The following DNAH12 variants were observed in gnomAD, a reference collection of about 807,000 sequenced individuals.
DNAH12 encodes the protein dynein axonemal heavy chain 12.
In DNAH12, 285 loss-of-function variants were observed where a neutral mutation model predicts 371.5. The ratio of observed to expected loss-of-function variants is 0.77; its 90% confidence interval spans 0.70 to 0.85. The LOEUF (loss-of-function observed/expected upper bound fraction) is 0.85, where lower values mean the gene tolerates loss of function less well. Among genes scored for constraint, DNAH12 ranks in the 40% least tolerant of loss-of-function variants. The pLI is 0.00. For synonymous variants in DNAH12, 1,200 were observed against 1,213.0 expected (o/e 0.99, Z 0.22); for missense variants, 3,611 against 3,689.4 (o/e 0.98, Z 0.55).
chr3:57,364,158 T>C (rs1006262967), intron 57 of DNAH12, among the ~76,000 whole-genome samples: 1 of 152,128 alleles, frequency 6.6e-6, no homozygotes, highest in Non-Finnish European at 1.5e-5. Context: ...TAGCACACAT[T>C]GAAAGGATGA....
chr3:57,429,994 AG>A (rs959598445), intron 32 of DNAH12, among the ~76,000 whole-genome samples: 16 of 152,164 alleles, frequency 1.1e-4, no homozygotes, highest in Non-Finnish European at 2.9e-5. Context: ...TCTATAAAAC[AG>A]GGATAATAGT....
intron 13 of DNAH12, among the ~76,000 whole-genome samples, chr3:57,482,475 G>C (rs2066778248): frequency 6.6e-6 from 1 of 151,910 alleles, no homozygotes; most frequent in Admixed American, 6.6e-5. Flanking sequence ...CTGTTGGTGG[G>C]ACTGTAAACT....
At chr3:57,335,689 C>G (rs143971133) in intron 60 of DNAH12, among the ~76,000 whole-genome samples, 3,608 of 152,218 alleles carry the variant, frequency 0.024, 66 homozygotes, top group Admixed American at 0.035. Flanking sequence ...CTTATGGCAC[C>G]GCTGTTGCAT....
intron 34 of DNAH12, 92 bp downstream of exon 34, chr3:57,428,541 G>A (rs1218481091): frequency 6.6e-7 from 1 of 1,514,456 alleles, no homozygotes; most frequent in Non-Finnish European, 8.8e-7. Context: ...ACTGGTTTTA[G>A]TTATTCATTC....
intron 65 of DNAH12, among the ~76,000 whole-genome samples, chr3:57,316,861 C>T (rs1332724458): frequency 2.6e-5 from 4 of 152,202 alleles, no homozygotes; most frequent in Non-Finnish European, 5.9e-5. Context: ...CTTCCCCAGC[C>T]ATGTGGAATT....
At chr3:57,448,492 G>A (rs530158503) in intron 25 of DNAH12, among the ~76,000 whole-genome samples, 5 of 152,242 alleles carry the variant, frequency 3.3e-5, no homozygotes, top group Admixed American at 2.0e-4. Context: ...CTGGCTTCAG[G>A]AGTGAAGCTG....
chr3:57,554,223 G>A, the DNAH12 span, among the ~76,000 whole-genome samples: 3 of 116,412 alleles, frequency 2.6e-5, 1 homozygote, highest in Non-Finnish European at 5.1e-5. Flanking sequence ...GGAGGTGGAG[G>A]CTGCAGTGAG....
intron 69 of DNAH12, among the ~76,000 whole-genome samples, chr3:57,302,867 C>A (rs1027697755): frequency 1.3e-5 from 2 of 150,464 alleles, no homozygotes; most frequent in South Asian, 2.1e-4. Flanking sequence ...TGAGCCACTG[C>A]GCCTGGCCAG....
chr3:57,438,308 T>C (rs1044931034), intron 29 of DNAH12, among the ~76,000 whole-genome samples: 2 of 148,290 alleles, frequency 1.3e-5, no homozygotes, highest in African/African-American at 5.0e-5. Flanking sequence ...CGAAACTTCG[T>C]CTCAACAACA....
chr3:57,523,267 C>T (rs1270208571), intron 4 of DNAH12, among the ~76,000 whole-genome samples: 1 of 151,810 alleles, frequency 6.6e-6, no homozygotes, highest in Admixed American at 6.6e-5. Flanking sequence ...GATTGCAGTC[C>T]CAGCTACTCA....
At chr3:57,455,917 A>T (rs1162383768) in intron 22 of DNAH12, among the ~76,000 whole-genome samples, 1 of 152,224 alleles carries the variant, frequency 6.6e-6, no homozygotes, top group African/African-American at 2.4e-5. Context: ...ATTTTAGCAG[A>T]TCCAAACTAT....
At chr3:57,415,109 CT>C (rs1392341426) in intron 38 of DNAH12, among the ~76,000 whole-genome samples, 14 of 152,020 alleles carry the variant, frequency 9.2e-5, no homozygotes, top group Non-Finnish European at 2.1e-4. Flanking sequence ...CTCCCCACCC[CT>C]GCCCCACCCT....
At chr3:57,529,453 T>C (rs1579903) in intron 2 of DNAH12, among the ~76,000 whole-genome samples, 1 of 152,222 alleles carries the variant, frequency 6.6e-6, no homozygotes, top group Non-Finnish European at 1.5e-5. Flanking sequence ...TTCTTCATGG[T>C]TCAATCTCTG....
At chr3:57,382,499 T>C (rs1432366619) in intron 49 of DNAH12, 106 bp from the exon 50 acceptor site, 2 of 147,078 alleles carry the variant, frequency 1.4e-5, no homozygotes, top group African/African-American at 5.0e-5. Context: ...GCATCCCTTT[T>C]TATTTGAAAT....
At chr3:57,532,135 C>G (rs1381357895) in intron 2 of DNAH12, among the ~76,000 whole-genome samples, 2 of 152,108 alleles carry the variant, frequency 1.3e-5, no homozygotes, top group Non-Finnish European at 2.9e-5. Context: ...GAACGCTGAT[C>G]CATTCTTCAG....
In DNAH12 at chr3:57,403,520, T is replaced by G; in HGVS notation, c.6756-19A>C. On this transcript the variant is annotated intron_variant, in intron 42 of 73. Transcript: ENST00000495027. ...AACATACCTACCACAAAAGAAAAAT[T>G]TTATTAATGCATTACAATATAAATG... 1.3e-6 allele frequency: 2 copies of G among 1,530,218 alleles called. No homozygotes were observed. The highest frequency in any genetic ancestry group is 1.2e-5 in the South Asian group (1 of 80,706). The allele number at this position is 1,530,218 out of a possible 1,614,324, so 94.8% of individuals were successfully genotyped here.
At chr3:57,302,565 G>GTTTTTTTTTTTTTT (rs1407756841) in intron 69 of DNAH12, among the ~76,000 whole-genome samples, 1 of 28,850 alleles carries the variant, frequency 3.5e-5, no homozygotes, top group Non-Finnish European at 5.9e-5. Flanking sequence ...ATATATATAT[G>GTTTTTTTTTTTTTT]TATTTTTTTT....
chr3:57,512,970 C>G (rs938287528), intron 4 of DNAH12, among the ~76,000 whole-genome samples: 1 of 151,968 alleles, frequency 6.6e-6, no homozygotes, highest in African/African-American at 2.4e-5. Flanking sequence ...AACCCCGTCT[C>G]TACTAAAAAT....
At chr3:57,296,528 G>A (rs2061237379) in intron 71 of DNAH12, 93 bp from the exon 72 acceptor site, 8 of 992,604 alleles carry the variant, frequency 8.1e-6, no homozygotes, top group South Asian at 6.7e-5. Flanking sequence ...CACATTCAGG[G>A]AAACTCTATT....
Sources: allele counts gnomAD v4.1 joint callset (sites outside exome capture counted in the v4.1 genomes callset), GRCh38; gene constraint gnomAD v4.1.1; transcripts MANE v1.5; gene names NCBI Gene and HGNC (gene_info 2026-07-23, HGNC 2026-07-21).